Variants in LCN1 observed in about 807,000 individuals in gnomAD.
LCN1 encodes the protein lipocalin-1.
Under a neutral mutation model 22.3 loss-of-function variants are expected in LCN1, and 25 were observed. The ratio of observed to expected loss-of-function variants is 1.12; its 90% confidence interval spans 0.82 to 1.56. The LOEUF (loss-of-function observed/expected upper bound fraction) is 1.56, where lower values mean the gene tolerates loss of function less well. LCN1 is among the 40% of genes most tolerant of loss of function. The pLI, the probability that LCN1 is intolerant of heterozygous loss-of-function variation, is 0.00. For synonymous variants in LCN1, 85 were observed against 97.6 expected (o/e 0.87, Z 0.76); for missense variants, 219 against 235.6 (o/e 0.93, Z 0.46).
At chr9:135,524,275 C>T (rs567535201) in intron 4 of LCN1, among the ~76,000 whole-genome samples, 2 of 152,330 alleles carry the variant, frequency 1.3e-5, no homozygotes, top group East Asian at 1.9e-4. Context: ...GGCCCTCCCC[C>T]GGAGCAGCTC....
At chr9:135,525,109 G>A (rs376943318) in intron 5 of LCN1, 23 bp from the exon 6 acceptor site, 29 of 1,612,840 alleles carry the variant, frequency 1.8e-5, no homozygotes, top group Non-Finnish European at 2.1e-5. Flanking sequence ...GTCTCCTAAC[G>A]CCTGTGCTTC....
In LCN1 at chr9:135,523,960, G is replaced by A. The variant is rs371576149; in HGVS notation, c.373G>A (p.Gly125Arg). ...YIFYCEGELH[G>R]KPVRGVKLVG... ...CTTTTACTGTGAGGGCGAGCTGCAC[G>A]GGAAGCCGGTCCGAGGGGTGAAGCT... The change falls in exon 4 of 7, where the codon GGG becomes AGG. Residue 125 changes from glycine to arginine, a missense_variant. Transcript: ENST00000371781. The A allele has an allele frequency of 1.5e-5, 25 of 1,613,926 alleles. No individual in the cohort carries two copies. Among genetic ancestry groups the A allele is most frequent in the African/African-American group, 8.0e-5 (6 of 74,906 alleles).
intron 4 of LCN1, among the ~76,000 whole-genome samples, chr9:135,524,500 C>A (rs1359427860): frequency 1.3e-5 from 2 of 152,150 alleles, no homozygotes; most frequent in African/African-American, 4.8e-5. Context: ...CAGGGGTGTG[C>A]GAATGACAGA....
In LCN1 at chr9:135,522,086, A is replaced by G. The variant is rs1156462395; in HGVS notation, c.130A>G (p.Arg44Gly). ...TWYLKAMTVD[R>G]EFPEMNLESV... ...GTATCTGAAGGCCATGACGGTGGACAGGGAGTTCCCTGAGATGAATCTGGA... is the reference window on the plus strand; with the variant it reads ...GTATCTGAAGGCCATGACGGTGGACGGGGAGTTCCCTGAGATGAATCTGGA... The change falls in exon 2 of 7, where the codon AGG becomes GGG. Residue 44 changes from arginine (R) to glycine (G), a missense_variant. Transcript: ENST00000371781. 8 of 1,594,140 alleles carry G rather than the reference A, an allele frequency of 5.0e-6. No individual in the cohort carries two copies. The Admixed American group carries it at 1.4e-4, about 28-fold the overall frequency.
intron 6 of LCN1, among the ~76,000 whole-genome samples, chr9:135,525,441 G>C (rs1831613894): frequency 6.6e-6 from 1 of 152,130 alleles, no homozygotes; most frequent in African/African-American, 2.4e-5. Context: ...CAGTCACATG[G>C]GCAGGAGCAG....
At position 135,526,471 on chromosome 9, in the gene LCN1, C is replaced by T. The variant is rs1361678814; in HGVS notation, c.*129C>T. On this transcript the variant is annotated 3_prime_UTR_variant, in exon 7 of 7. Transcript: ENST00000371781. ...GGCTGGCTGCACCCCTTCCTACCAC[C>T]CCCCGCCTTCCCCCTGCCCTGCGCC... The T allele has an allele frequency of 1.6e-6, 2 of 1,280,794 alleles. No individual in the cohort carries two copies. Among genetic ancestry groups the T allele is most frequent in the African/African-American group, 3.1e-5 (2 of 65,474 alleles). 79.3% of individuals were successfully genotyped at this position (1,280,794 alleles called of 1,614,324 possible).
rs761179314 is a variant in LCN1 at position 135,522,116 on chromosome 9, G to C, written c.160G>C (p.Val54Leu). The C allele has an allele frequency of 2.5e-6, 4 of 1,598,806 alleles. No homozygotes were observed. The highest frequency in any genetic ancestry group is 1.1e-5 in the South Asian group (1 of 88,728). The change falls in exon 2 of 7, where the codon GTG becomes CTG. Residue 54 changes from valine (V) to leucine (L), a missense_variant. Coordinates refer to ENST00000371781, the MANE Select transcript of LCN1 (RefSeq NM_002297.4). ...GTTCCCTGAGATGAATCTGGAATCG[G>C]TGACACCCATGACCCTCACGACCCT... ...REFPEMNLES[V>L]TPMTLTTLEG... is the part of the protein sequence containing the mutation.
intron 6 of LCN1, 47 bp from the exon 7 acceptor site, chr9:135,526,297 T>G: frequency 2.9e-6 from 1 of 341,686 alleles, no homozygotes; most frequent in Non-Finnish European, 3.5e-6. Context: ...TGCATCCCCC[T>G]CCCACCCTTG....
chr9:135,523,834 A>G (rs1274766925), intron 3 of LCN1, 46 bp from the exon 4 acceptor site: 1 of 1,531,374 alleles, frequency 6.5e-7, no homozygotes, highest in Admixed American at 1.7e-5. Flanking sequence ...ATCCTCTCTG[A>G]AGTCCCTGGT....
At chr9:135,524,962 T>A (rs773894931) in intron 5 of LCN1, 31 bp downstream of exon 5, 14 of 1,582,890 alleles carry the variant, frequency 8.8e-6, no homozygotes, top group Non-Finnish European at 1.2e-5. Context: ...GAGCCCCCCA[T>A]GTCCCCGCGT....
intron 4 of LCN1, among the ~76,000 whole-genome samples, chr9:135,524,514 T>C (rs1306740237): frequency 1.8e-4 from 28 of 152,108 alleles, no homozygotes; most frequent in Admixed American, 1.8e-3. Flanking sequence ...TGACAGAGGA[T>C]TGGGATCCTG....
chr9:135,523,363 G>C (rs1393176635), intron 3 of LCN1, 61 bp downstream of exon 3: 1 of 1,500,492 alleles, frequency 6.7e-7, no homozygotes, highest in Non-Finnish European at 9.0e-7. Context: ...TGCGGGGGCA[G>C]CCAGTGCCTT....
intron 6 of LCN1, among the ~76,000 whole-genome samples, chr9:135,525,783 T>G (rs1010290827): frequency 6.6e-6 from 1 of 151,730 alleles, no homozygotes; most frequent in Admixed American, 6.6e-5. Context: ...TCCGCTCCAA[T>G]CTAGAGGCTG....
rs146192526 is a variant in LCN1, at chr9:135,523,281, G to T, written c.271G>T (p.Glu91Ter). Residue 91 changes from glutamate to a stop codon, truncating the protein, a stop_gained, in exon 3 of 7, where the codon GAG becomes TAG. Coordinates refer to ENST00000371781, the MANE Select transcript of LCN1 (RefSeq NM_002297.4). LOFTEE classifies it high-confidence loss of function. ...EVKAVLEKTD[E>*]PGKYTADGGK... ...GAAGGCCGTCCTGGAGAAAACTGAC[G>T]AGCCGGGAAAATACACGGCCGGTGA... 64 of 1,612,984 alleles carry T rather than the reference G, an allele frequency of 4.0e-5. No homozygotes were observed. The Middle Eastern group carries it at 1.8e-3, about 45-fold the overall frequency.
intron 1 of LCN1, among the ~76,000 whole-genome samples, 173 bp downstream of exon 1, chr9:135,521,760 G>T (rs1327831478): frequency 6.6e-6 from 1 of 152,080 alleles, no homozygotes. Flanking sequence ...TGGCAGGGTA[G>T]GTGGCGCAGG....
intron 5 of LCN1, 80 bp from the exon 6 acceptor site, chr9:135,525,052 G>A: frequency 6.4e-7 from 1 of 1,570,476 alleles, no homozygotes; most frequent in Non-Finnish European, 8.7e-7. Context: ...CTGGGGTGGT[G>A]GAGCTGGTGG....
intron 5 of LCN1, 55 bp from the exon 6 acceptor site, chr9:135,525,077 C>T (rs1315971130): frequency 1.2e-5 from 19 of 1,587,574 alleles, no homozygotes; most frequent in African/African-American, 4.0e-5. Flanking sequence ...TGAGGGGCCC[C>T]GGTCCTGACT....
chr9:135,521,441 G>T lies in LCN1; in HGVS notation c.-57G>T. 2 of 1,466,874 alleles carry T rather than the reference G, an allele frequency of 1.4e-6. No individual in the cohort carries two copies. Among genetic ancestry groups the T allele is most frequent in the Admixed American group, 1.7e-5 (1 of 58,424 alleles). 90.9% of individuals were successfully genotyped at this position (1,466,874 alleles called of 1,614,324 possible). A position where few individuals can be genotyped will look rare whatever the true frequency, so the allele number is the denominator to read the frequency against. On this transcript the variant is annotated 5_prime_UTR_variant, in exon 1 of 7. Transcript: ENST00000371781. ...GGGCGGCTGTGGGAGGACTGGTACA[G>T]CCTCTCCCAGCCCCAGCAAGCGACC...
At chr9:135,524,630 C>T (rs1379523750) in intron 4 of LCN1, among the ~76,000 whole-genome samples, 200 bp from the exon 5 acceptor site, 4 of 152,196 alleles carry the variant, frequency 2.6e-5, no homozygotes, top group Non-Finnish European at 5.9e-5. Context: ...CCCGTTCTCC[C>T]GGTTCTGCTG....
Sources: gnomAD v4.1 joint callset for allele counts (sites outside exome capture counted in the v4.1 genomes callset) on GRCh38, gnomAD v4.1.1 for gene constraint, MANE v1.5 for transcripts, NCBI Gene and HGNC (gene_info 2026-07-23, HGNC 2026-07-21) for gene names.